SLC4A4: variants seen among roughly 807,000 people sequenced by gnomAD.
SLC4A4 encodes solute carrier family 4 member 4.
SLC4A4 carries 27 observed loss-of-function variants against 111.5 expected under a neutral mutation model. That is an observed-to-expected ratio of 0.24 (90% CI 0.18 to 0.33). The LOEUF (loss-of-function observed/expected upper bound fraction) is 0.33. Ranked by LOEUF, SLC4A4 falls within the 10% of genes least tolerant of loss-of-function variation. The pLI, the probability that SLC4A4 is intolerant of heterozygous loss-of-function variation, is 1.00. For synonymous variants in SLC4A4, 443 were observed against 463.4 expected, an observed-to-expected ratio of 0.96 and a Z score of 0.57; for missense variants, 909 against 1,315.5, an observed-to-expected ratio of 0.69 and a Z score of 4.78.
intron 7 of SLC4A4, among the ~76,000 whole-genome samples, chr4:71,423,204 A>G (rs1322571982): frequency 6.6e-6 from 1 of 152,232 alleles, no homozygotes; most frequent in African/African-American, 2.4e-5. Flanking sequence ...ACAGACAAAC[A>G]GAGAGCCAAA....
intron 1 of SLC4A4, among the ~76,000 whole-genome samples, chr4:71,202,766 A>G (rs1175409267): frequency 3.3e-5 from 5 of 152,222 alleles, no homozygotes; most frequent in Non-Finnish European, 2.9e-5. Context: ...ATTTATCTAC[A>G]TATTTATTAT....
intron 6 of SLC4A4, among the ~76,000 whole-genome samples, chr4:71,394,369 A>AT (rs1321356314): frequency 6.6e-6 from 1 of 152,158 alleles, no homozygotes; most frequent in Non-Finnish European, 1.5e-5. Flanking sequence ...TCAAAAGAAG[A>AT]TATGCAAATG....
intron 16 of SLC4A4, among the ~76,000 whole-genome samples, chr4:71,524,649 C>T (rs1733255983): frequency 6.8e-6 from 1 of 147,376 alleles, no homozygotes; most frequent in East Asian, 2.0e-4. Flanking sequence ...ACTATTAATG[C>T]TTTTTTTTTT....
intron 1 of SLC4A4, among the ~76,000 whole-genome samples, chr4:71,232,538 C>T (rs2045010): frequency 9.9e-5 from 15 of 152,194 alleles, no homozygotes; most frequent in African/African-American, 2.4e-4. Context: ...CAGCCTCCCA[C>T]GTAGCTGGGA....
intron 2 of SLC4A4, among the ~76,000 whole-genome samples, chr4:71,248,136 T>C (rs1720810147): frequency 6.6e-6 from 1 of 152,100 alleles, no homozygotes; most frequent in Non-Finnish European, 1.5e-5. Context: ...AGGTCTGAGG[T>C]TGACTCTTTT....
At chr4:71,441,814 C>T (rs1006863260) in intron 8 of SLC4A4, among the ~76,000 whole-genome samples, 3 of 152,260 alleles carry the variant, frequency 2.0e-5, no homozygotes, top group East Asian at 1.9e-4. Context: ...TTCTTAGACA[C>T]TTAAAATAGG....
chr4:71,167,349 G>A (rs1234751319), intron 2 of SLC4A4, among the ~76,000 whole-genome samples: 2 of 152,182 alleles, frequency 1.3e-5, no homozygotes, highest in East Asian at 3.9e-4. Context: ...GGCAAACAAA[G>A]TAGTAGCTGC....
chr4:71,447,743 C>T lies in SLC4A4; in HGVS notation c.1053+10C>T, dbSNP rs752548892. The T allele has an allele frequency of 6.4e-7, 1 of 1,563,622 alleles. No homozygotes were observed. The highest frequency in any genetic ancestry group is 1.7e-5 in the Admixed American group (1 of 59,734). ...CCTGATGTCTGATGAGGTAGGAAAT[C>T]AGGAAGATGGAGTTCTGTGAATGTC... On this transcript the variant is annotated intron_variant, in intron 9 of 25. Coordinates refer to ENST00000264485, the MANE Select transcript of SLC4A4 (RefSeq NM_001098484.3).
Position 71,358,732 on chromosome 4 carries a change from T to G in SLC4A4, c.730+1545T>G, listed in dbSNP as rs574370633. 2.9e-3 allele frequency among the ~76,000 whole-genome samples: 448 copies of G among 152,192 alleles called. 3 individuals carry two copies. The highest frequency in any genetic ancestry group is 0.015 in the South Asian group (73 of 4,824). On this transcript the variant is annotated intron_variant, in intron 6 of 25. Transcript: ENST00000264485. Reference sequence around the variant, plus strand: ...CTTTTTTTTTGTTGTTTTAGTTGTGTTTTTGGAAAGAGGGGTTACTTAATG... The same window carrying G: ...CTTTTTTTTTGTTGTTTTAGTTGTGGTTTTGGAAAGAGGGGTTACTTAATG...
At chr4:71,534,830 GT>G (rs1158322625) in intron 18 of SLC4A4, among the ~76,000 whole-genome samples, 1 of 152,012 alleles carries the variant, frequency 6.6e-6, no homozygotes, top group African/African-American at 2.4e-5. Context: ...TGTACATCCT[GT>G]TTTTTGTCTT....
intron 2 of SLC4A4, among the ~76,000 whole-genome samples, chr4:71,153,583 A>T (rs1225053314): frequency 6.6e-6 from 1 of 152,186 alleles, no homozygotes; most frequent in Non-Finnish European, 1.5e-5. Context: ...ACTTTTTTTC[A>T]GAGAGTAGTG....
chr4:71,333,025 A>C lies in SLC4A4; in HGVS notation c.254-6345A>C, dbSNP rs115839614. On this transcript the variant is annotated intron_variant, in intron 3 of 25. Transcript: ENST00000264485. Reference sequence around the variant, plus strand: ...ACTTGGGATTGGTCATTGGTACCTTATTTGGTTTGTTTGGTGAGGTCATGT... The same window carrying C: ...ACTTGGGATTGGTCATTGGTACCTTCTTTGGTTTGTTTGGTGAGGTCATGT... Among the ~76,000 whole-genome samples, 1,126 of 152,090 alleles carry C rather than the reference A, an allele frequency of 7.4e-3. 15 individuals carry two copies. Among genetic ancestry groups the C allele is most frequent in the African/African-American group, 0.024 (989 of 41,502 alleles).
intron 6 of SLC4A4, among the ~76,000 whole-genome samples, chr4:71,357,568 A>G (rs1294756868): frequency 6.6e-6 from 1 of 152,206 alleles, no homozygotes; most frequent in African/African-American, 2.4e-5. Context: ...TAGGAGGAGA[A>G]TAGTAAGATA....
intron 8 of SLC4A4, 96 bp from the exon 9 acceptor site, chr4:71,447,550 C>T (rs955289393): frequency 3.8e-6 from 3 of 796,948 alleles, no homozygotes; most frequent in African/African-American, 3.4e-5. Context: ...CTAGACCTAA[C>T]CTTTTTATGA....
intron 3 of SLC4A4, among the ~76,000 whole-genome samples, chr4:71,328,590 C>T (rs1010296824): frequency 1.1e-4 from 16 of 152,054 alleles, no homozygotes; most frequent in Admixed American, 6.6e-5. Flanking sequence ...AGCACCTTTT[C>T]ATGTACCTGT....
chr4:71,260,095 G>C (rs1331272151), intron 3 of SLC4A4, among the ~76,000 whole-genome samples: 2 of 152,178 alleles, frequency 1.3e-5, no homozygotes, highest in African/African-American at 4.8e-5. Context: ...ATTTATGCTA[G>C]TGAACATTGT....
At chr4:71,183,845 T>G (rs1745375175), upstream of SLC4A4, among the ~76,000 whole-genome samples, 1 of 152,178 alleles carries the variant, frequency 6.6e-6, no homozygotes, top group Non-Finnish European at 1.5e-5. Flanking sequence ...GACAAACATC[T>G]CTGATCAGTC....
intron 6 of SLC4A4, among the ~76,000 whole-genome samples, chr4:71,363,208 T>G (rs1464709178): frequency 6.6e-6 from 1 of 152,154 alleles, no homozygotes; most frequent in African/African-American, 2.4e-5. Flanking sequence ...GAACAAACAA[T>G]GGAAAGAAAT....
chr4:71,251,413 G>A (rs1721061385), intron 2 of SLC4A4, among the ~76,000 whole-genome samples: 1 of 152,186 alleles, frequency 6.6e-6, no homozygotes. Flanking sequence ...GTAAGGATGG[G>A]AAGAAACAAG....
Sources: gnomAD v4.1 joint callset for allele counts (sites outside exome capture counted in the v4.1 genomes callset) on GRCh38, gnomAD v4.1.1 for gene constraint, MANE v1.5 for transcripts, NCBI Gene and HGNC (gene_info 2026-07-23, HGNC 2026-07-21) for gene names.